Variants in ANKRD36C observed in about 807,000 individuals in gnomAD.
The protein encoded by ANKRD36C is ankyrin repeat domain 36C, also known as ankyrin repeat domain-containing protein 36C.
In ANKRD36C, 61 loss-of-function variants were observed where a neutral mutation model predicts 276.4. The observed-to-expected ratio is 0.22, with a 90% CI of 0.18 to 0.27. The LOEUF is 0.27. ANKRD36C is among the 10% of genes least tolerant of loss of function. ANKRD36C has a pLI of 1.00. For synonymous variants in ANKRD36C, 483 were observed against 680.1 expected (o/e 0.71, Z 4.51); for missense variants, 1,447 against 2,032.3 (o/e 0.71, Z 5.54).
At chr2:95,986,130 C>T (rs2918830) in intron 3 of ANKRD36C, among the ~76,000 whole-genome samples, 11 of 152,118 alleles carry the variant, frequency 7.2e-5, no homozygotes, top group African/African-American at 1.7e-4. Context: ...TGAAGCGATC[C>T]TTGTCTAAAC....
chr2:95,938,123 A>AT (rs893379423), intron 22 of ANKRD36C, among the ~76,000 whole-genome samples: 66 of 152,258 alleles, frequency 4.3e-4, no homozygotes, highest in Admixed American at 7.8e-4. Context: ...CAGATTCCAC[A>AT]TATTACCTAT....
chr2:95,852,975 G>A, intron 64 of ANKRD36C: 1 of 152,226 alleles, frequency 6.6e-6, no homozygotes, highest in Non-Finnish European at 1.5e-5. Flanking sequence ...GAGAAGCCCT[G>A]TTGTCTAAAT....
At chr2:95,885,911 A>G in intron 52 of ANKRD36C, 137 bp downstream of exon 72, 1 of 1,484,346 alleles carries the variant, frequency 6.7e-7, no homozygotes, top group Admixed American at 2.0e-5. Context: ...TCACCCGAGG[A>G]CTTATTACAA....
Position 95,891,980 on chromosome 2 carries a change from G to C in ANKRD36C, c.2756-120C>G. The C allele has an allele frequency of 4.0e-6, 6 of 1,493,322 alleles. No homozygotes were observed. In the South Asian group the frequency reaches 7.3e-5, roughly 18 times the overall value. The allele number at this position is 1,493,322 out of a possible 1,614,324, so 92.5% of individuals were successfully genotyped here. The stretch of plus-strand genomic sequence containing the variant: ...GCCTGTATTAGCGTAGGCTTTGATG[G>C]CTTCTACTTTGTGTCTGAGGACTAG... On this transcript the variant is annotated intron_variant, in intron 44 of 66. Transcript: ENST00000456556.
intron 44 of ANKRD36C, chr2:95,897,461 A>G (rs1676587498): frequency 1.3e-6 from 2 of 1,527,272 alleles, no homozygotes; most frequent in African/African-American, 1.4e-5. Context: ...GTTGCTCAGA[A>G]GACACTGAAA....
intron 42 of ANKRD36C, 72 bp downstream of exon 46, chr2:95,910,301 T>G (rs1187904231): frequency 6.9e-7 from 1 of 1,454,006 alleles, no homozygotes; most frequent in African/African-American, 1.4e-5. Context: ...AGCCACCCGC[T>G]GCTTTATTTG....
At chr2:95,893,485 C>A in intron 44 of ANKRD36C, 48 bp downstream of exon 64, 2 of 1,533,000 alleles carry the variant, frequency 1.3e-6, no homozygotes, top group East Asian at 4.9e-5. Context: ...AAGGGAACTT[C>A]TTATCTATCT....
rs567154730 is a variant in ANKRD36C at position 95,975,963 on chromosome 2, C to T, written c.799+2159G>A. Among the ~76,000 whole-genome samples, 1,211 of 152,122 alleles carry T rather than the reference C, an allele frequency of 8.0e-3. 8 individuals carry two copies. The highest frequency in any genetic ancestry group is 0.051 in the Middle Eastern group (15 of 294). ...ACAAACAACCCCATCAAAAAGTGGG[C>T]GAAGGATATGAACAGACACTTCTCA... On this transcript the variant is annotated intron_variant, in intron 6 of 66. Transcript: ENST00000456556.
chr2:95,852,825 G>A (rs1000997710), intron 64 of ANKRD36C: 14 of 152,224 alleles, frequency 9.2e-5, no homozygotes, highest in East Asian at 3.8e-4. Flanking sequence ...AATTAAAATC[G>A]ACAAAGTCAG....
At chr2:95,925,212 C>G (rs1677370463) in intron 30 of ANKRD36C, 140 bp downstream of exon 30, 1 of 1,385,876 alleles carries the variant, frequency 7.2e-7, no homozygotes, top group Admixed American at 2.4e-5. Context: ...CACCACCTGA[C>G]AACTTACTAG....
chr2:95,915,339 A>C (rs186811149), intron 38 of ANKRD36C, among the ~76,000 whole-genome samples: 2 of 151,658 alleles, frequency 1.3e-5, no homozygotes, highest in East Asian at 2.0e-4. Flanking sequence ...GTAATGAGTC[A>C]TTGTGTTTTT....
intron 44 of ANKRD36C, among the ~76,000 whole-genome samples, chr2:95,893,200 G>A (rs1434407397): frequency 6.6e-6 from 1 of 151,286 alleles, no homozygotes; most frequent in Non-Finnish European, 1.5e-5. Flanking sequence ...CTGTAAAATC[G>A]ATACTTCCTC....
intron 6 of ANKRD36C, among the ~76,000 whole-genome samples, chr2:95,973,146 G>C (rs1201033934): frequency 1.3e-5 from 2 of 151,960 alleles, no homozygotes; most frequent in Non-Finnish European, 1.5e-5. Flanking sequence ...GGGGGCGGTG[G>C]CTCACACCTG....
At chr2:95,914,416 T>G (rs777929865) in intron 38 of ANKRD36C, 113 bp from the exon 41 acceptor site, 1 of 1,341,222 alleles carries the variant, frequency 7.5e-7, no homozygotes, top group Admixed American at 2.0e-5. Context: ...TAGCGTAGTC[T>G]TTGATGGCTT....
intron 6 of ANKRD36C, among the ~76,000 whole-genome samples, chr2:95,968,603 T>C (rs2104517617): frequency 6.6e-6 from 1 of 152,340 alleles, no homozygotes; most frequent in African/African-American, 2.4e-5. Context: ...AGAAGATTTC[T>C]GTGACCAAAT....
chr2:95,875,623 A>G (rs1415359593), intron 59 of ANKRD36C, among the ~76,000 whole-genome samples: 5 of 152,090 alleles, frequency 3.3e-5, no homozygotes, highest in Non-Finnish European at 7.4e-5. Flanking sequence ...TGGCACGTGT[A>G]TACATATGTA....
intron 42 of ANKRD36C, among the ~76,000 whole-genome samples, chr2:95,909,904 C>A (rs1190464441): frequency 6.7e-6 from 1 of 150,218 alleles, no homozygotes; most frequent in Admixed American, 6.7e-5. Context: ...TTCACACCTT[C>A]CTGCCTCACA....
chr2:95,960,574 A>G, intron 9 of ANKRD36C, 29 bp from the exon 10 acceptor site: 1 of 1,354,038 alleles, frequency 7.4e-7, no homozygotes, highest in Non-Finnish European at 1.0e-6. Context: ...AAAATAATCA[A>G]TACCTAAAGT....
chr2:95,884,310 A>G, intron 53 of ANKRD36C, 30 bp downstream of exon 73: 2 of 1,610,580 alleles, frequency 1.2e-6, no homozygotes, highest in Non-Finnish European at 1.7e-6. Flanking sequence ...TACAATTACT[A>G]GTTCACAATA....
Sources: gnomAD v4.1 joint callset for allele counts (sites outside exome capture counted in the v4.1 genomes callset) on GRCh38, gnomAD v4.1.1 for gene constraint, MANE v1.5 for transcripts, NCBI Gene and HGNC (gene_info 2026-07-23, HGNC 2026-07-21) for gene names.